The following BMAL1 variants were observed in gnomAD, a reference collection of about 807,000 sequenced individuals.
BMAL1 encodes basic helix-loop-helix ARNT like 1.
the BMAL1 span, among the ~76,000 whole-genome samples, chr11:13,377,958 AACTT>A: frequency 6.6e-6 from 1 of 152,172 alleles, no homozygotes; most frequent in Non-Finnish European, 1.5e-5. Flanking sequence ...TTGCCTGTCA[AACTT>A]ACAACATTTT....
At chr11:13,277,837 T>G in the BMAL1 span, 1 of 152,032 alleles carries the variant, frequency 6.6e-6, no homozygotes, top group African/African-American at 2.4e-5. Context: ...GGGACGGAGG[T>G]GCCTGTTTAC....
chr11:13,309,742 T>G, the BMAL1 span, among the ~76,000 whole-genome samples: 1 of 152,152 alleles, frequency 6.6e-6, no homozygotes, highest in Non-Finnish European at 1.5e-5. Flanking sequence ...CAAGAAGTTA[T>G]GCCACAACGT....
chr11:13,374,491 T>A, the BMAL1 span, among the ~76,000 whole-genome samples: 1 of 152,196 alleles, frequency 6.6e-6, no homozygotes, highest in African/African-American at 2.4e-5. Flanking sequence ...GATCTGATTC[T>A]CTTTTCCATT....
chr11:13,310,660 G>A, the BMAL1 span, among the ~76,000 whole-genome samples: 1 of 152,232 alleles, frequency 6.6e-6, no homozygotes, highest in Admixed American at 6.5e-5. Context: ...ATGAATGGGT[G>A]TGGCAGTGTT....
chr11:13,284,208 ATGTGTATATATATATATATGTGTGTG>A, the BMAL1 span, among the ~76,000 whole-genome samples: 107 of 43,616 alleles, frequency 2.5e-3, 18 homozygotes, highest in South Asian at 3.4e-3. Flanking sequence ...GTATATATAT[ATGTGTATATATATATATATGTGTGTG>A]TATATATATA....
At chr11:13,339,241 A>G in the BMAL1 span, among the ~76,000 whole-genome samples, 1 of 152,156 alleles carries the variant, frequency 6.6e-6, no homozygotes, top group African/African-American at 2.4e-5. Flanking sequence ...ACTTTTTGTC[A>G]CCCTGCCGTG....
At chr11:13,368,422 C>A in the BMAL1 span, among the ~76,000 whole-genome samples, 1 of 152,136 alleles carries the variant, frequency 6.6e-6, no homozygotes, top group Non-Finnish European at 1.5e-5. Flanking sequence ...TGCTATTGGA[C>A]AAAACGTGCA....
At chr11:13,319,737 A>G in the BMAL1 span, among the ~76,000 whole-genome samples, 30 of 152,362 alleles carry the variant, frequency 2.0e-4, 2 homozygotes, top group East Asian at 2.5e-3. Context: ...CTTTGGAAGA[A>G]TTACAGCCAA....
At chr11:13,372,287 C>T in the BMAL1 span, 30 of 1,614,136 alleles carry the variant, frequency 1.9e-5, no homozygotes, top group East Asian at 1.1e-4. Context: ...GCTGCCTCGT[C>T]GCAATTGGAC....
the BMAL1 span, among the ~76,000 whole-genome samples, chr11:13,335,459 G>A: frequency 6.6e-6 from 1 of 152,294 alleles, no homozygotes; most frequent in Non-Finnish European, 1.5e-5. Flanking sequence ...GGGAATGTGT[G>A]TGGGTGATCT....
chr11:13,375,409 C>G, the BMAL1 span, among the ~76,000 whole-genome samples: 8 of 152,164 alleles, frequency 5.3e-5, no homozygotes, highest in Admixed American at 5.2e-4. Context: ...AAAATCATGA[C>G]AGCTTCACAA....
At chr11:13,357,752 A>C in the BMAL1 span, among the ~76,000 whole-genome samples, 20 of 152,332 alleles carry the variant, frequency 1.3e-4, no homozygotes, top group African/African-American at 4.6e-4. This position sits in a 1 kb window ranked among gnomAD's most constrained non-coding sequence, Gnocchi z 4.8. Flanking sequence ...CGGCAGCTGC[A>C]GCAAACTACA....
At chr11:13,327,324 T>C in the BMAL1 span, among the ~76,000 whole-genome samples, 1 of 152,194 alleles carries the variant, frequency 6.6e-6, no homozygotes, top group Non-Finnish European at 1.5e-5. Flanking sequence ...GCGCCGGACA[T>C]TGTGCTGTCA....
chr11:13,320,989 A>C, the BMAL1 span, among the ~76,000 whole-genome samples: 3 of 152,290 alleles, frequency 2.0e-5, no homozygotes, highest in South Asian at 4.1e-4. Flanking sequence ...ACTAGAGATA[A>C]AGTTACATTG....
At chr11:13,314,792 C>T in the BMAL1 span, among the ~76,000 whole-genome samples, 1 of 152,102 alleles carries the variant, frequency 6.6e-6, no homozygotes, top group Non-Finnish European at 1.5e-5. Context: ...TACCTAGTGG[C>T]CCTTCATGGG....
the BMAL1 span, among the ~76,000 whole-genome samples, chr11:13,369,183 C>T: frequency 3.3e-5 from 5 of 152,208 alleles, no homozygotes; most frequent in Non-Finnish European, 7.3e-5. Context: ...TTCCCAATAT[C>T]CATATCCTAC....
the BMAL1 span, among the ~76,000 whole-genome samples, chr11:13,301,985 A>T: frequency 6.6e-6 from 1 of 152,156 alleles, no homozygotes; most frequent in Non-Finnish European, 1.5e-5. Context: ...TGATTTGGGG[A>T]AAGAACAGTC....
chr11:13,378,469 CTGTT>C, the BMAL1 span: 1 of 1,598,602 alleles, frequency 6.3e-7, no homozygotes, highest in East Asian at 2.3e-5. Flanking sequence ...TCTAGTTCCT[CTGTT>C]AAACCAGTGG....
the BMAL1 span, chr11:13,372,150 C>CT: frequency 6.2e-7 from 1 of 1,613,016 alleles, no homozygotes; most frequent in Non-Finnish European, 8.5e-7. Flanking sequence ...TAACCACGAA[C>CT]TTTGCTTTCT....
Sources: gnomAD v4.1 joint callset for allele counts (sites outside exome capture counted in the v4.1 genomes callset) on GRCh38, gnomAD v4.1.1 for gene constraint, Gnocchi (gnomAD v3.1) non-coding constraint, MANE v1.5 for transcripts, NCBI Gene and HGNC (gene_info 2026-07-23, HGNC 2026-07-21) for gene names.